GPATCH2: variants seen among roughly 807,000 people sequenced by gnomAD.
GPATCH2 encodes the protein G patch domain-containing protein 2.
Under a neutral mutation model 58.0 loss-of-function variants are expected in GPATCH2, and 51 were observed. The observed-to-expected ratio is 0.88, with a 90% CI of 0.70 to 1.11. GPATCH2 has a LOEUF of 1.11. Among genes scored for constraint, GPATCH2 ranks in the 50% most tolerant of loss-of-function variants. The pLI, the probability that GPATCH2 is intolerant of heterozygous loss-of-function variation, is 0.00. For synonymous variants in GPATCH2, 222 were observed against 218.5 expected, an observed-to-expected ratio of 1.02 and a Z score of -0.14; for missense variants, 625 against 652.2, an observed-to-expected ratio of 0.96 and a Z score of 0.45.
At chr1:217,434,616 T>G (rs1295609354) in intron 9 of GPATCH2, among the ~76,000 whole-genome samples, 1 of 152,214 alleles carries the variant, frequency 6.6e-6, no homozygotes, top group Non-Finnish European at 1.5e-5. Context: ...ACATTTTTGA[T>G]AGGATAGCTT....
At chr1:217,557,941 T>C (rs1469820021) in intron 5 of GPATCH2, among the ~76,000 whole-genome samples, 1 of 152,222 alleles carries the variant, frequency 6.6e-6, no homozygotes, top group African/African-American at 2.4e-5. Flanking sequence ...AAGACACAAG[T>C]TAATCTGTAA....
intron 5 of GPATCH2, among the ~76,000 whole-genome samples, chr1:217,587,240 AAATATT>A (rs1667381347): frequency 6.6e-6 from 1 of 152,180 alleles, no homozygotes; most frequent in Non-Finnish European, 1.5e-5. Flanking sequence ...TTCCTTTAGG[AAATATT>A]ACAAATCATA....
intron 3 of GPATCH2, among the ~76,000 whole-genome samples, chr1:217,611,545 C>T (rs1376961245): frequency 1.3e-5 from 2 of 152,118 alleles, no homozygotes; most frequent in Non-Finnish European, 2.9e-5. Context: ...GTTACTACCC[C>T]TTCCACGTTA....
intron 5 of GPATCH2, among the ~76,000 whole-genome samples, chr1:217,571,212 T>C (rs990156636): frequency 1.8e-4 from 27 of 152,296 alleles, no homozygotes; most frequent in African/African-American, 5.8e-4. Context: ...AATAGGGACA[T>C]TAAACTGGCA....
intron 7 of GPATCH2, among the ~76,000 whole-genome samples, chr1:217,495,637 A>G (rs1211934339): frequency 6.6e-6 from 1 of 152,196 alleles, no homozygotes; most frequent in Non-Finnish European, 1.5e-5. Flanking sequence ...ACTAACTTTC[A>G]CATTTCTCTT....
intron 5 of GPATCH2, among the ~76,000 whole-genome samples, chr1:217,523,927 G>A (rs1239368042): frequency 4.5e-5 from 5 of 110,814 alleles, no homozygotes; most frequent in African/African-American, 1.2e-4. Context: ...CCTCCCGGAC[G>A]GGGCAGTTGG....
In GPATCH2 at chr1:217,452,527, T is replaced by G. The variant is rs1043809000; in HGVS notation, c.1278-3190A>C. On this transcript the variant is annotated intron_variant, in intron 8 of 9. Transcript: ENST00000366935. Reference sequence around the variant, plus strand: ...TTGCACTAGTTATATGTAATTGGAGTATTCTAATTGCTTAAAAATAACTCT... The same window carrying G: ...TTGCACTAGTTATATGTAATTGGAGGATTCTAATTGCTTAAAAATAACTCT... 3.3e-5 allele frequency among the ~76,000 whole-genome samples: 5 copies of G among 152,192 alleles called. No individual in the cohort carries two copies. The East Asian group carries it at 5.8e-4, about 18-fold the overall frequency.
intron 5 of GPATCH2, among the ~76,000 whole-genome samples, chr1:217,574,797 A>T (rs1368672856): frequency 6.6e-6 from 1 of 152,178 alleles, no homozygotes; most frequent in East Asian, 1.9e-4. Flanking sequence ...GTCCAACCGG[A>T]TTTGAGTCCT....
intron 6 of GPATCH2, among the ~76,000 whole-genome samples, chr1:217,508,350 G>A (rs903992022): frequency 6.6e-6 from 1 of 152,066 alleles, no homozygotes; most frequent in African/African-American, 2.4e-5. Context: ...TAAAATAAGG[G>A]GTGAGTATTT....
intron 5 of GPATCH2, among the ~76,000 whole-genome samples, chr1:217,584,342 AAAATATATAT>A (rs780830560): frequency 0.01 from 861 of 82,550 alleles, 15 homozygotes; most frequent in East Asian, 0.061. Flanking sequence ...AAAAAAAAAA[AAAATATATAT>A]ATATATATAT....
At position 217,431,169 on chromosome 1, in the gene GPATCH2, G is replaced by A. The variant is rs754906828; in HGVS notation, c.1563C>T (p.Thr521=). ...CTTAGGCGGATTTTCCTGCATTGGG[G>A]GTAGTAGTTGCGGAAGTACTTTTTG... ...PLPKSTSATT[T]PNAGKSA is the part of the protein sequence containing the mutation. Residue 521 remains threonine, a synonymous_variant, in exon 10 of 10, where the codon ACC becomes ACT. Transcript: ENST00000366935. 1.9e-6 allele frequency: 3 copies of A among 1,559,736 alleles called. No homozygotes were observed. In the Admixed American group the frequency reaches 5.0e-5, roughly 26 times the overall value.
At chr1:217,566,841 C>T (rs1307032213) in intron 5 of GPATCH2, among the ~76,000 whole-genome samples, 3 of 152,200 alleles carry the variant, frequency 2.0e-5, no homozygotes, top group Non-Finnish European at 4.4e-5. Context: ...GACTGTTTTG[C>T]TACTGTGGCA....
chr1:217,518,514 G>A (rs1422062687), intron 5 of GPATCH2, among the ~76,000 whole-genome samples: 1 of 151,990 alleles, frequency 6.6e-6, no homozygotes, highest in Non-Finnish European at 1.5e-5. Context: ...ATTTAATTGT[G>A]TCATTATCAA....
At chr1:217,514,664 TC>T (rs936828852) in intron 6 of GPATCH2, among the ~76,000 whole-genome samples, 157 bp downstream of exon 6, 2 of 152,244 alleles carry the variant, frequency 1.3e-5, no homozygotes, top group South Asian at 4.1e-4. Flanking sequence ...GTCATGGTTT[TC>T]GTTTAAGTTG....
In GPATCH2 at chr1:217,431,035, T is replaced by C. The variant is rs1658508640; in HGVS notation, c.*110A>G. The C allele has an allele frequency of 4.2e-6, 3 of 718,954 alleles. No homozygotes were observed. The highest frequency in any genetic ancestry group is 2.6e-6 in the Non-Finnish European group (1 of 391,052). 44.5% of individuals were successfully genotyped at this position (718,954 alleles called of 1,614,324 possible). On this transcript the variant is annotated 3_prime_UTR_variant, in exon 10 of 10. Transcript: ENST00000366935. ...GTATGCAGTAAGGAAGCTAGAGTGA[T>C]GTGTTTGAGGCAATGTAGATTTTTG...
Position 217,610,344 on chromosome 1 carries a change from AT to A in GPATCH2, c.1074del (p.Lys358AsnfsTer49). 2 of 1,601,302 alleles carry A rather than the reference AT, an allele frequency of 1.2e-6. No individual in the cohort carries two copies. Among genetic ancestry groups the A allele is most frequent in the African/African-American group, 1.3e-5 (1 of 74,736 alleles). On this transcript the variant is annotated frameshift_variant, in exon 5 of 10. Transcript: ENST00000366935. LOFTEE classifies it high-confidence loss of function. ...LHGMSSKNIK[K>X]SGGTPTSMVP... The stretch of plus-strand genomic sequence containing the variant: ...ACCATTGAAGTTGGAGTCCCTCCAG[AT>A]TTTTTAATATTCTTTGAAGACATTC...
At chr1:217,515,281 A>G (rs1278316120) in intron 5 of GPATCH2, among the ~76,000 whole-genome samples, 1 of 151,958 alleles carries the variant, frequency 6.6e-6, no homozygotes, top group Admixed American at 6.5e-5. Context: ...TATTTTTAGT[A>G]GAGACGGGGT....
chr1:217,584,945 A>C (rs1248360519), intron 5 of GPATCH2, among the ~76,000 whole-genome samples: 3 of 152,164 alleles, frequency 2.0e-5, no homozygotes, highest in Non-Finnish European at 4.4e-5. Flanking sequence ...AGAAAGGTAG[A>C]AAAAATAAAA....
chr1:217,559,326 CA>C lies in GPATCH2; in HGVS notation c.1099-44438del, dbSNP rs113425713. Among the ~76,000 whole-genome samples the C allele has an allele frequency of 3.4e-3, 463 of 137,070 alleles. 7 individuals are homozygous for C. The highest frequency in any genetic ancestry group is 4.6e-3 in the African/African-American group (171 of 37,540). 89.9% of individuals were successfully genotyped at this position (137,070 alleles called of 152,430 possible). On this transcript the variant is annotated intron_variant, in intron 5 of 9. Transcript: ENST00000366935. ...TAAAGCATAAACATATCACCCCCTG[CA>C]AAAAAAAAAAATCCTTCAAAAGATA...
Sources: allele counts gnomAD v4.1 joint callset (sites outside exome capture counted in the v4.1 genomes callset), GRCh38; gene constraint gnomAD v4.1.1; transcripts MANE v1.5; gene names NCBI Gene and HGNC (gene_info 2026-07-23, HGNC 2026-07-21).